Variants in AKAP1 observed in about 807,000 individuals in gnomAD.
AKAP1 encodes A-kinase anchor protein 1, mitochondrial.
AKAP1 carries 32 observed loss-of-function variants against 79.8 expected under a neutral mutation model. The observed-to-expected ratio is 0.40, with a 90% confidence interval of 0.30 to 0.54. AKAP1 has a LOEUF of 0.54. Ranked by LOEUF, AKAP1 falls within the 20% of genes least tolerant of loss-of-function variation. AKAP1 has a pLI of 0.47. For synonymous variants in AKAP1, 416 were observed against 466.7 expected, an observed-to-expected ratio of 0.89 and a Z score of 1.40; for missense variants, 961 against 1,138.9, an observed-to-expected ratio of 0.84 and a Z score of 2.25.
At chr17:57,118,592 G>GA in intron 9 of AKAP1, 138 bp downstream of exon 9, 1 of 778,242 alleles carries the variant, frequency 1.3e-6, no homozygotes, top group Non-Finnish European at 2.1e-6. Flanking sequence ...GCTAATACTT[G>GA]ATATTAGTCT....
rs1357481859 is a variant in AKAP1 at position 57,105,567 on chromosome 17, A to C, written c.103A>C (p.Ser35Arg). The C allele has an allele frequency of 6.2e-7, 1 of 1,614,162 alleles. No individual in the cohort carries two copies. Among genetic ancestry groups the C allele is most frequent in the South Asian group, 1.1e-5 (1 of 91,084 alleles). ...FFSRKKGHVS[S>R]HDEQQVEAGA... Reference sequence around the variant, plus strand: ...CTCTCGTAAAAAAGGCCATGTCAGCAGCCATGATGAGCAGCAGGTGGAGGC... The same window carrying C: ...CTCTCGTAAAAAAGGCCATGTCAGCCGCCATGATGAGCAGCAGGTGGAGGC... Residue 35 changes from serine (S) to arginine (R), a missense_variant, in exon 2 of 11, where the codon AGC becomes CGC. Ser to Arg is a moderately radical substitution (Grantham distance 110). Transcript: ENST00000337714.
intron 1 of AKAP1, chr17:57,085,884 T>A (rs1376759523): frequency 6.1e-6 from 1 of 164,882 alleles, no homozygotes; most frequent in Non-Finnish European, 1.3e-5. Flanking sequence ...GTACACAGTC[T>A]GAGCCGGAGC....
At chr17:57,100,447 G>GCACA (rs769056309) in intron 1 of AKAP1, among the ~76,000 whole-genome samples, 23 of 75,354 alleles carry the variant, frequency 3.1e-4, no homozygotes, top group Admixed American at 3.9e-4. Context: ...ACACACACAC[G>GCACA]CACACACACA....
intron 2 of AKAP1, among the ~76,000 whole-genome samples, chr17:57,108,723 GA>G (rs5821161): frequency 0.12 from 17,759 of 152,240 alleles, 1,157 homozygotes; most frequent in African/African-American, 0.15. Context: ...TTGAAGCTGA[GA>G]AGGGGACCAG....
chr17:57,110,401 G>A (rs763013657), intron 3 of AKAP1, among the ~76,000 whole-genome samples: 2 of 152,146 alleles, frequency 1.3e-5, no homozygotes, highest in East Asian at 1.9e-4. Flanking sequence ...TCTCAAACTC[G>A]CAGGCCTGTG....
intron 1 of AKAP1, among the ~76,000 whole-genome samples, chr17:57,087,171 A>C (rs995066765): frequency 6.6e-6 from 1 of 152,214 alleles, no homozygotes; most frequent in Non-Finnish European, 1.5e-5. Context: ...CCATTACTGG[A>C]TTAATAGGCT....
intron 4 of AKAP1, 77 bp downstream of exon 4, chr17:57,112,001 G>A: frequency 2.6e-6 from 4 of 1,548,810 alleles, no homozygotes; most frequent in South Asian, 2.4e-5. Context: ...AGTTTCAATT[G>A]CTATCTTTTT....
At chr17:57,114,245 G>A (rs768022996) in intron 5 of AKAP1, among the ~76,000 whole-genome samples, 5 of 152,170 alleles carry the variant, frequency 3.3e-5, no homozygotes, top group Non-Finnish European at 7.4e-5. Context: ...CCTAATGGCT[G>A]CTCGTGGTAT....
chr17:57,112,649 T>C (rs1915323847), intron 5 of AKAP1, 31 bp downstream of exon 5: 1 of 1,574,670 alleles, frequency 6.4e-7, no homozygotes, highest in African/African-American at 1.4e-5. Context: ...TCCGGACTTC[T>C]TGCCACTTTC....
At chr17:57,090,161 C>A (rs1913695366) in intron 1 of AKAP1, among the ~76,000 whole-genome samples, 1 of 152,074 alleles carries the variant, frequency 6.6e-6, no homozygotes, top group African/African-American at 2.4e-5. Flanking sequence ...GTGGGGAGTT[C>A]TTTGTTTCCA....
Position 57,101,252 on chromosome 17 carries a change from G to A in AKAP1, c.-24-4189G>A, listed in dbSNP as rs185480277. 3.0e-3 allele frequency among the ~76,000 whole-genome samples: 461 copies of A among 152,172 alleles called. 3 individuals are homozygous for A. The highest frequency in any genetic ancestry group is 0.011 in the African/African-American group (446 of 41,522). On this transcript the variant is annotated intron_variant, in intron 1 of 10. Coordinates refer to ENST00000337714, the MANE Select transcript of AKAP1 (RefSeq NM_003488.4). ...GATGGGGTCTCACTCTGTTGCAAGT[G>A]CAGTGGCACGATCTCAGCTCACTGC...
chr17:57,106,511 C>T lies in AKAP1; in HGVS notation c.1047C>T (p.Phe349=). 6.2e-7 allele frequency: 1 copy of T among 1,613,962 alleles called. No individual in the cohort carries two copies. The highest frequency in any genetic ancestry group is 8.5e-7 in the Non-Finnish European group (1 of 1,179,968). The change falls in exon 2 of 11, where the codon TTC becomes TTT. Residue 349 remains phenylalanine (F), a synonymous_variant. Transcript: ENST00000337714. ...DRNEEIKRAA[F]QIISQVISEA... ...ATGAGGAGATTAAGCGGGCTGCCTT[C>T]CAGATAATCTCCCAAGTGATCTCAG...
intron 4 of AKAP1, 112 bp downstream of exon 4, chr17:57,112,036 C>G: frequency 7.1e-7 from 1 of 1,399,460 alleles, no homozygotes; most frequent in East Asian, 2.3e-5. Context: ...TGCTTCTCAT[C>G]CCAGGGAAGG....
chr17:57,112,492 C>T lies in AKAP1; in HGVS notation c.1977C>T (p.Gly659=), dbSNP rs769844139. 2 of 1,613,396 alleles carry T rather than the reference C, an allele frequency of 1.2e-6. No individual in the cohort carries two copies. The highest frequency in any genetic ancestry group is 1.1e-5 in the South Asian group (1 of 90,942). ...TQSVQICHIE[G]SQHHVDKALN... ...GTCCTGCCCCCATCCGCTATTTAGG[C>T]TCTCAACATCATGTAGACAAAGCGC... Residue 659 remains glycine (G), a splice_region_variant and synonymous_variant, in exon 5 of 11, where the codon GGC becomes GGT. Transcript: ENST00000337714.
chr17:57,118,894 T>G, intron 9 of AKAP1, 88 bp from the exon 10 acceptor site: 8 of 1,421,424 alleles, frequency 5.6e-6, no homozygotes, highest in Non-Finnish European at 7.9e-6. Flanking sequence ...CCTCGACACA[T>G]GGGGATTATG....
chr17:57,085,889 C>T (rs72843415), intron 1 of AKAP1: 13,259 of 165,798 alleles, frequency 0.08, 574 homozygotes, highest in East Asian at 0.14. Flanking sequence ...CAGTCTGAGC[C>T]GGAGCTGCCC....
intron 1 of AKAP1, chr17:57,101,615 G>A (rs1914519580): frequency 6.6e-6 from 1 of 152,124 alleles, no homozygotes; most frequent in Non-Finnish European, 1.5e-5. Flanking sequence ...CCTTGGCCTT[G>A]GGCTTTTAAA....
chr17:57,120,623 C>G lies in AKAP1; in HGVS notation c.*299C>G, dbSNP rs1345821321. The G allele has an allele frequency of 3.9e-6, 1 of 259,026 alleles. No homozygotes were observed. The highest frequency in any genetic ancestry group is 5.0e-5 in the Admixed American group (1 of 20,160). The allele number at this position is 259,026 out of a possible 1,614,324, so 16.0% of individuals were successfully genotyped here. A position where few individuals can be genotyped will look rare whatever the true frequency, so the allele number is the denominator to read the frequency against. ...CAGTTTCAACCAGATTGTCCTATTC[C>G]CCCTGTTCCATTCCCCTCTTCTTCC... On this transcript the variant is annotated 3_prime_UTR_variant, in exon 11 of 11. Transcript: ENST00000337714.
At position 57,106,758 on chromosome 17, in the gene AKAP1, C is replaced by T. The variant is rs754282310; in HGVS notation, c.1294C>T (p.Pro432Ser). 1 of 1,614,072 alleles carries T rather than the reference C, an allele frequency of 6.2e-7. No homozygotes were observed. The highest frequency in any genetic ancestry group is 1.1e-5 in the South Asian group (1 of 91,090). ...CCTACCAGCAGAGGGCTCACCACCA[C>T]CAAAGACCTACGTGAGCTGCCTGAA... ...PGLPAEGSPPPKTYVSCLKSL... is the reference protein window; with the variant it reads ...PGLPAEGSPPSKTYVSCLKSL... The change falls in exon 2 of 11, where the codon CCA becomes TCA. Residue 432 changes from proline to serine, a missense_variant. Physicochemically the swap from Pro to Ser is moderately conservative, Grantham distance 74. Transcript: ENST00000337714.
Sources: allele counts gnomAD v4.1 joint callset (sites outside exome capture counted in the v4.1 genomes callset), GRCh38; gene constraint gnomAD v4.1.1; transcripts MANE v1.5; gene names NCBI Gene and HGNC (gene_info 2026-07-23, HGNC 2026-07-21).